The following PLXDC2 variants were observed in gnomAD, a reference collection of about 807,000 sequenced individuals.
The protein encoded by PLXDC2 is plexin domain containing 2.
In PLXDC2, 40 loss-of-function variants were observed where a neutral mutation model predicts 68.9. The ratio of observed to expected loss-of-function variants is 0.58; its 90% CI spans 0.45 to 0.76. The LOEUF (loss-of-function observed/expected upper bound fraction) is 0.76. Ranked by LOEUF, PLXDC2 falls within the 30% of genes least tolerant of loss-of-function variation. The pLI is 0.00. For missense variants in PLXDC2, 644 were observed against 661.9 expected (o/e 0.97, Z 0.30); for synonymous variants, 243 against 234.2 (o/e 1.04, Z -0.34).
intron 1 of PLXDC2, among the ~76,000 whole-genome samples, chr10:19,932,700 C>T (rs1449828631): frequency 6.6e-6 from 1 of 152,106 alleles, no homozygotes; most frequent in Non-Finnish European, 1.5e-5. Context: ...CCTCATATCT[C>T]ATATTGGAGG....
intron 5 of PLXDC2, among the ~76,000 whole-genome samples, chr10:20,144,756 G>C (rs1834050867): frequency 6.6e-6 from 1 of 152,150 alleles, no homozygotes. Flanking sequence ...AAATGATTTA[G>C]TGAACACTGA....
chr10:20,178,244 T>C (rs11011841), intron 9 of PLXDC2, among the ~76,000 whole-genome samples: 36,683 of 152,032 alleles, frequency 0.24, 5,686 homozygotes, highest in African/African-American at 0.43. Flanking sequence ...CATAATTTAC[T>C]GGTGTCAAAG....
At chr10:20,170,199 T>C (rs1233888136) in intron 7 of PLXDC2, among the ~76,000 whole-genome samples, 1 of 152,170 alleles carries the variant, frequency 6.6e-6, no homozygotes, top group Non-Finnish European at 1.5e-5. Flanking sequence ...CACCACTTTT[T>C]TTCTTTTTTT....
chr10:19,851,491 A>C (rs996483836), intron 1 of PLXDC2, among the ~76,000 whole-genome samples: 2 of 152,176 alleles, frequency 1.3e-5, no homozygotes, highest in African/African-American at 4.8e-5. Context: ...GCATATGACC[A>C]ATCAAGAGAG....
chr10:19,980,438 C>T (rs763548842), intron 1 of PLXDC2, among the ~76,000 whole-genome samples: 7 of 152,130 alleles, frequency 4.6e-5, no homozygotes, highest in East Asian at 3.9e-4. Flanking sequence ...AAACAACAGA[C>T]GTGTATTTCA....
At chr10:20,102,346 C>T (rs963138063) in intron 4 of PLXDC2, among the ~76,000 whole-genome samples, 4 of 152,074 alleles carry the variant, frequency 2.6e-5, no homozygotes, top group African/African-American at 9.7e-5. Flanking sequence ...GCATAATTAT[C>T]GTTATCTGTC....
intron 1 of PLXDC2, among the ~76,000 whole-genome samples, chr10:19,884,921 T>C (rs1397574272): frequency 6.6e-6 from 1 of 152,064 alleles, no homozygotes; most frequent in Non-Finnish European, 1.5e-5. Context: ...CCCTGAGGAG[T>C]CGCCACACTG....
intron 1 of PLXDC2, among the ~76,000 whole-genome samples, chr10:19,820,783 GTCTTCA>G (rs1836453873): frequency 6.6e-6 from 1 of 151,486 alleles, no homozygotes; most frequent in Non-Finnish European, 1.5e-5. Context: ...GGGATCTAAA[GTCTTCA>G]GCTGCAGGCT....
At chr10:19,834,326 A>T (rs537314135) in intron 1 of PLXDC2, among the ~76,000 whole-genome samples, 5 of 131,392 alleles carry the variant, frequency 3.8e-5, no homozygotes, top group African/African-American at 1.4e-4. Flanking sequence ...AGAAAGAGAG[A>T]GGTAGAGAGA....
chr10:20,010,294 A>G (rs1195269665), intron 2 of PLXDC2, among the ~76,000 whole-genome samples: 2 of 152,210 alleles, frequency 1.3e-5, no homozygotes, highest in South Asian at 2.1e-4. Context: ...GCAAAAACAC[A>G]TGGATTTTAA....
At chr10:20,034,532 A>T (rs1478033677) in intron 2 of PLXDC2, among the ~76,000 whole-genome samples, 1 of 152,208 alleles carries the variant, frequency 6.6e-6, no homozygotes, top group Non-Finnish European at 1.5e-5. Context: ...AATATCATTT[A>T]TTTGTAAAAT....
At chr10:20,051,643 C>T (rs1036893520) in intron 3 of PLXDC2, among the ~76,000 whole-genome samples, 2 of 151,756 alleles carry the variant, frequency 1.3e-5, no homozygotes, top group Admixed American at 1.3e-4. Flanking sequence ...GCTGACTCAG[C>T]GTAGAGCTTT....
At chr10:20,188,743 G>C (rs974254630) in intron 9 of PLXDC2, among the ~76,000 whole-genome samples, 5 of 151,662 alleles carry the variant, frequency 3.3e-5, no homozygotes, top group African/African-American at 1.2e-4. Context: ...ATAAAAGAAA[G>C]TAAGAAGCTT....
At chr10:19,901,958 T>G (rs1027018240) in intron 1 of PLXDC2, among the ~76,000 whole-genome samples, 2 of 152,154 alleles carry the variant, frequency 1.3e-5, no homozygotes, top group African/African-American at 4.8e-5. Context: ...ATGTTTTTGT[T>G]TGCTTTGTTG....
chr10:19,876,911 C>G (rs1837642925), intron 1 of PLXDC2, among the ~76,000 whole-genome samples: 1 of 151,948 alleles, frequency 6.6e-6, no homozygotes, highest in South Asian at 2.1e-4. Context: ...ATTGCAGGTA[C>G]TTAAAAAAAC....
rs1174981540 is a variant in PLXDC2, at chr10:20,286,949, C to CCCGACCTCAGGTGATCCG, written c.*7133_*7150dup. ...ATGCTGGTCAGGCTGGTCCCCAGCT[C>CCCGACCTCAGGTGATCCG]CCGACCTCAGGTGATCCGCCCACCT... On this transcript the variant is annotated 3_prime_UTR_variant, in exon 14 of 14. Coordinates refer to ENST00000377252, the MANE Select transcript of PLXDC2 (RefSeq NM_032812.9). The CCCGACCTCAGGTGATCCG allele has an allele frequency of 5.9e-5, 9 of 152,244 alleles. No individual in the cohort carries two copies. Among genetic ancestry groups the CCCGACCTCAGGTGATCCG allele is most frequent in the African/African-American group, 2.2e-4 (9 of 41,420 alleles). The allele number at this position is 152,244 out of a possible 1,614,324, so 9.4% of individuals were successfully genotyped here.
chr10:20,167,789 C>G (rs1351378392), intron 7 of PLXDC2, among the ~76,000 whole-genome samples: 3 of 152,080 alleles, frequency 2.0e-5, no homozygotes, highest in Non-Finnish European at 2.9e-5. Flanking sequence ...AATAGTATTT[C>G]CCAGTAGATC....
intron 4 of PLXDC2, chr10:20,091,922 C>T (rs973853135): frequency 1.3e-5 from 2 of 152,228 alleles, no homozygotes; most frequent in African/African-American, 4.8e-5. Context: ...CCTTTGATGG[C>T]GTCATTGTCA....
chr10:20,200,443 A>G (rs1834901893), intron 9 of PLXDC2, among the ~76,000 whole-genome samples: 1 of 152,100 alleles, frequency 6.6e-6, no homozygotes, highest in South Asian at 2.1e-4. Context: ...GTAATCTCAT[A>G]TATAGCTTGA....
Sources: allele counts gnomAD v4.1 joint callset (sites outside exome capture counted in the v4.1 genomes callset), GRCh38; gene constraint gnomAD v4.1.1; transcripts MANE v1.5; gene names NCBI Gene and HGNC (gene_info 2026-07-23, HGNC 2026-07-21).